The following PFKFB4 variants were observed in gnomAD, a reference collection of about 807,000 sequenced individuals.
The protein encoded by PFKFB4 is 6-phosphofructo-2-kinase/fructose-2,6-bisphosphatase 4.
Under a neutral mutation model 62.8 loss-of-function variants are expected in PFKFB4, and 42 were observed. That is an observed-to-expected ratio of 0.67 (90% CI 0.52 to 0.86). PFKFB4 has a LOEUF of 0.86. Among genes scored for constraint, PFKFB4 ranks in the 40% least tolerant of loss-of-function variants. The pLI, the probability that PFKFB4 is intolerant of heterozygous loss-of-function variation, is 0.00. For synonymous variants in PFKFB4, 204 were observed against 240.7 expected (o/e 0.85, Z 1.41); for missense variants, 475 against 627.2 (o/e 0.76, Z 2.59).
In PFKFB4 at chr3:48,519,810, T is replaced by C; in HGVS notation, c.1351-4A>G. The C allele has an allele frequency of 6.2e-7, 1 of 1,612,694 alleles. No homozygotes were observed. On this transcript the variant is annotated splice_region_variant and splice_polypyrimidine_tract_variant and intron_variant, in intron 13 of 13. Coordinates refer to ENST00000232375, the MANE Select transcript of PFKFB4 (RefSeq NM_004567.4). ...GAGGTCTTGAGATGTCCACGTTCTG[T>C]ACAATAAAAACACAGAGCGTTCACT... is the stretch of plus-strand genomic sequence containing the variant.
At chr3:48,536,816 A>G in intron 7 of PFKFB4, 1 of 239,968 alleles carries the variant, frequency 4.2e-6, no homozygotes, top group Non-Finnish European at 8.2e-6. Flanking sequence ...CTCTCAATAC[A>G]CTGTCTGTAA....
At chr3:48,537,545 A>G (rs2042663384) in intron 7 of PFKFB4, among the ~76,000 whole-genome samples, 2 of 116,302 alleles carry the variant, frequency 1.7e-5, no homozygotes, top group Admixed American at 2.1e-4. Context: ...TTTTTTTGAG[A>G]CAGGGTCTCA....
chr3:48,534,194 G>C (rs2042519337), intron 9 of PFKFB4, among the ~76,000 whole-genome samples: 1 of 152,144 alleles, frequency 6.6e-6, no homozygotes, highest in African/African-American at 2.4e-5. Context: ...AAAAGACAGA[G>C]AAGAAATGAA....
chr3:48,534,684 AAAAG>A (rs2042535147), intron 9 of PFKFB4, among the ~76,000 whole-genome samples: 1 of 151,988 alleles, frequency 6.6e-6, no homozygotes, highest in Admixed American at 6.6e-5. Context: ...AAAAAAAAAA[AAAAG>A]AAGAAAAGAA....
chr3:48,532,044 C>T (rs1277314909), intron 9 of PFKFB4, among the ~76,000 whole-genome samples: 4 of 152,116 alleles, frequency 2.6e-5, no homozygotes, highest in Non-Finnish European at 5.9e-5. Flanking sequence ...CGGTGGCTCA[C>T]GCCTGTAATC....
In PFKFB4 at chr3:48,521,874, C is replaced by A; in HGVS notation, c.1350+112G>T. 1 of 914,834 alleles carries A rather than the reference C, an allele frequency of 1.1e-6. No individual in the cohort carries two copies. Among genetic ancestry groups the A allele is most frequent in the Non-Finnish European group, 1.8e-6 (1 of 551,592 alleles). 56.7% of individuals were successfully genotyped at this position (914,834 alleles called of 1,614,324 possible). ...ATGGGACAACAGTCTTGGCAGAAGA[C>A]TCAAGCTCCCTCTGGCAGGTGCCGC... On this transcript the variant is annotated intron_variant, in intron 13 of 13. Coordinates refer to ENST00000232375, the MANE Select transcript of PFKFB4 (RefSeq NM_004567.4). The surrounding 1 kb of genome is among the most constrained non-coding windows in gnomAD (Gnocchi z 5.3).
In PFKFB4 at chr3:48,539,735, C is replaced by T; in HGVS notation, c.415G>A (p.Ala139Thr). 6.8e-6 allele frequency: 11 copies of T among 1,614,212 alleles called. No homozygotes were observed. Among genetic ancestry groups the T allele is most frequent in the Non-Finnish European group, 9.3e-6 (11 of 1,180,014 alleles). ...DATNTTRERR[A>T]TIFNFGEQNG... ...TGTTCTCCAAAATTAAAGATGGTCG[C>T]TCTCCGTTCTCGGGTGGTGTTTGTG... Residue 139 changes from alanine (A) to threonine (T), a missense_variant, in exon 5 of 14, where the codon GCG (alanine) becomes ACG (threonine). By Grantham distance (58) the Ala-to-Thr change is moderately conservative. Coordinates refer to ENST00000232375, the MANE Select transcript of PFKFB4 (RefSeq NM_004567.4).
upstream of PFKFB4, chr3:48,561,160 A>T: frequency 5.4e-6 from 6 of 1,110,224 alleles, no homozygotes; most frequent in Non-Finnish European, 7.1e-6. This position sits in a 1 kb window ranked among gnomAD's most constrained non-coding sequence, Gnocchi z 5.2. Context: ...GCAGCTCCAG[A>T]GTGGGGTAAC....
chr3:48,523,596 T>C lies in PFKFB4; in HGVS notation c.1226A>G (p.Gln409Arg). The C allele has an allele frequency of 6.2e-7, 1 of 1,614,168 alleles. No homozygotes were observed. Among genetic ancestry groups the C allele is most frequent in the Non-Finnish European group, 8.5e-7 (1 of 1,180,018 alleles). ...LAYFLDKAAE[Q>R]LPYLKCPLHT... is the part of the protein sequence containing the mutation. ...CAGCGGACACTTGAGGTAGGGCAGC[T>C]GTTCTGTAGACACAGAGGGGGATGG... Residue 409 changes from glutamine (Q) to arginine (R), a missense_variant, in exon 12 of 14, where the codon CAG (glutamine) becomes CGG (arginine). Coordinates refer to ENST00000232375, the MANE Select transcript of PFKFB4 (RefSeq NM_004567.4).
chr3:48,531,588 T>C (rs368662795), intron 9 of PFKFB4, among the ~76,000 whole-genome samples: 2 of 151,562 alleles, frequency 1.3e-5, no homozygotes, highest in East Asian at 3.9e-4. Context: ...CCCAAAGTGC[T>C]TGGATTACAG....
At chr3:48,552,323 G>A (rs369493973) in intron 1 of PFKFB4, among the ~76,000 whole-genome samples, 491 of 152,370 alleles carry the variant, frequency 3.2e-3, no homozygotes, top group African/African-American at 0.011. Flanking sequence ...GGAGGCGGTG[G>A]CCTGGCCCCA....
intron 3 of PFKFB4, among the ~76,000 whole-genome samples, chr3:48,546,775 C>A (rs899815454): frequency 6.6e-6 from 1 of 152,212 alleles, no homozygotes; most frequent in Admixed American, 6.5e-5. Context: ...TTCTGGGAGT[C>A]TGGAATTTTG....
At chr3:48,525,838 A>T (rs1195822253) in intron 9 of PFKFB4, 169 bp from the exon 10 acceptor site, 1 of 424,090 alleles carries the variant, frequency 2.4e-6, no homozygotes, top group African/African-American at 2.1e-5. Context: ...AACACTGATC[A>T]TTGGTGGTTC....
chr3:48,523,481 G>A lies in PFKFB4; in HGVS notation c.1285+56C>T, dbSNP rs1007039459. 3.4e-6 allele frequency: 5 copies of A among 1,488,332 alleles called. No individual in the cohort carries two copies. In the South Asian group the frequency reaches 4.5e-5, roughly 13 times the overall value. The allele number at this position is 1,488,332 out of a possible 1,614,324, so 92.2% of individuals were successfully genotyped here. ...GGAATTCGGAGAAAATCATGGAACT[G>A]TGCAGAGATCCAAGGTCATGGCTAC... On this transcript the variant is annotated intron_variant, in intron 12 of 13. Transcript: ENST00000232375.
chr3:48,542,206 G>A (rs1253301436), intron 4 of PFKFB4, among the ~76,000 whole-genome samples: 4 of 150,846 alleles, frequency 2.7e-5, no homozygotes, highest in Non-Finnish European at 5.9e-5. Flanking sequence ...CAGTGGCGGG[G>A]GCTTGTAGTC....
At chr3:48,561,424 G>T (rs912773457), upstream of PFKFB4, among the ~76,000 whole-genome samples, 1 of 152,280 alleles carries the variant, frequency 6.6e-6, no homozygotes, top group Non-Finnish European at 1.5e-5. The surrounding 1 kb of genome is among the most constrained non-coding windows in gnomAD (Gnocchi z 5.2). Context: ...TGCCCCCTCT[G>T]CGGGCAAGCC....
At chr3:48,560,271 C>T (rs1159162069), upstream of PFKFB4, among the ~76,000 whole-genome samples, 1 of 152,210 alleles carries the variant, frequency 6.6e-6, no homozygotes, top group Non-Finnish European at 1.5e-5. Flanking sequence ...GCCTGCTGCT[C>T]TCTGCTGCCT....
At chr3:48,528,254 T>C (rs1473748687) in intron 9 of PFKFB4, among the ~76,000 whole-genome samples, 2 of 151,992 alleles carry the variant, frequency 1.3e-5, no homozygotes, top group Admixed American at 6.6e-5. Context: ...CGGGAGGGAA[T>C]GTGAGATGGC....
At chr3:48,536,565 C>A in intron 7 of PFKFB4, 102 bp from the exon 8 acceptor site, 1 of 856,132 alleles carries the variant, frequency 1.2e-6, no homozygotes, top group Non-Finnish European at 1.9e-6. Flanking sequence ...CTTGCACTTC[C>A]AACCACCAGA....
Sources: gnomAD v4.1 joint callset for allele counts (sites outside exome capture counted in the v4.1 genomes callset) on GRCh38, gnomAD v4.1.1 for gene constraint, Gnocchi (gnomAD v3.1) non-coding constraint, MANE v1.5 for transcripts, NCBI Gene and HGNC (gene_info 2026-07-23, HGNC 2026-07-21) for gene names.